The following ARHGAP24 variants were observed in gnomAD, a reference collection of about 807,000 sequenced individuals.
The protein encoded by ARHGAP24 is Rho GTPase activating protein 24, also known as rho GTPase-activating protein 24.
In ARHGAP24, 50 loss-of-function variants were observed where a neutral mutation model predicts 76.4. The ratio of observed to expected loss-of-function variants is 0.65; its 90% confidence interval spans 0.52 to 0.83. The LOEUF is 0.83. Ranked by LOEUF, ARHGAP24 falls within the 40% of genes least tolerant of loss-of-function variation. The pLI is 0.00. For missense variants in ARHGAP24, 930 were observed against 914.2 expected (o/e 1.02, Z -0.22); for synonymous variants, 345 against 323.3 (o/e 1.07, Z -0.72).
chr4:85,744,608 A>G (rs1725954762), intron 3 of ARHGAP24, among the ~76,000 whole-genome samples: 1 of 152,178 alleles, frequency 6.6e-6, no homozygotes. Context: ...TGGGAAGCAG[A>G]TGACTGAGGT....
intron 2 of ARHGAP24, among the ~76,000 whole-genome samples, chr4:85,712,310 A>T (rs1289644459): frequency 1.3e-5 from 2 of 152,112 alleles, no homozygotes; most frequent in Non-Finnish European, 2.9e-5. Flanking sequence ...GATTCTCCCC[A>T]AAAATGATTG....
chr4:85,963,625 C>G (rs1378897562), intron 5 of ARHGAP24, among the ~76,000 whole-genome samples: 1 of 151,966 alleles, frequency 6.6e-6, no homozygotes, highest in Non-Finnish European at 1.5e-5. Flanking sequence ...TAGAAAATGT[C>G]AGAATTTATT....
chr4:85,933,397 T>G (rs1324319299), intron 4 of ARHGAP24, among the ~76,000 whole-genome samples: 1 of 152,190 alleles, frequency 6.6e-6, no homozygotes, highest in East Asian at 1.9e-4. Context: ...TCCAGAGGCC[T>G]GGTTACATTA....
chr4:85,626,822 C>A (rs1720971907), intron 2 of ARHGAP24, among the ~76,000 whole-genome samples: 1 of 152,042 alleles, frequency 6.6e-6, no homozygotes, highest in South Asian at 2.1e-4. Flanking sequence ...TCATTTCATT[C>A]TTTTTGTCTT....
At chr4:85,990,366 C>T (rs1379227783) in intron 8 of ARHGAP24, 1 of 151,588 alleles carries the variant, frequency 6.6e-6, no homozygotes, top group Non-Finnish European at 1.5e-5. Context: ...CTAAAATTGA[C>T]CTATAGTTTT....
intron 2 of ARHGAP24, among the ~76,000 whole-genome samples, chr4:85,623,193 A>C (rs376214301): frequency 0.024 from 3,684 of 152,188 alleles, 146 homozygotes; most frequent in African/African-American, 0.083. Context: ...CTGAATGGTA[A>C]TGCCTAGGTT....
At position 85,491,550 on chromosome 4, in the gene ARHGAP24, C is replaced by G. The variant is rs1266939293; in HGVS notation, c.-21+15991C>G. On this transcript the variant is annotated intron_variant, in intron 1 of 9. Coordinates refer to ENST00000395184, the MANE Select transcript of ARHGAP24 (RefSeq NM_001025616.3). ...GGTCTGTTTAACACACACACACACA[C>G]AGCTGTGTGGAAACCAGGCTGGAGG... is the stretch of plus-strand genomic sequence containing the variant. 2.6e-5 allele frequency among the ~76,000 whole-genome samples: 4 copies of G among 152,130 alleles called. No individual in the cohort carries two copies. The South Asian group carries it at 6.2e-4, about 24-fold the overall frequency.
chr4:85,532,574 A>G (rs1475958236), intron 1 of ARHGAP24, among the ~76,000 whole-genome samples: 2 of 152,134 alleles, frequency 1.3e-5, no homozygotes, highest in Admixed American at 6.6e-5. Context: ...TAATCTCCCC[A>G]TTTAAGATTA....
rs1345759965 is a variant in ARHGAP24 at position 85,565,513 on chromosome 4, TACTC to T, written c.-20-5002_-20-4999del. 8.5e-5 allele frequency among the ~76,000 whole-genome samples: 13 copies of T among 152,266 alleles called. No homozygotes were observed. The South Asian group carries it at 1.2e-3, about 15-fold the overall frequency. On this transcript the variant is annotated intron_variant, in intron 1 of 9. Coordinates refer to ENST00000395184, the MANE Select transcript of ARHGAP24 (RefSeq NM_001025616.3). ...CTGGGAACACATTTATACAGTGAAA[TACTC>T]ACTCACCCCACCAGACGCCAAGGAA... is the stretch of plus-strand genomic sequence containing the variant.
intron 8 of ARHGAP24, among the ~76,000 whole-genome samples, chr4:85,981,079 TATAAAGCACTTCTGC>T (rs2148859854): frequency 6.6e-6 from 1 of 152,316 alleles, no homozygotes; most frequent in African/African-American, 2.4e-5. Context: ...CGGCTGTCTG[TATAAAGCACTTCTGC>T]ATGCTCCCTC....
At chr4:85,941,737 C>T (rs1185549659) in intron 4 of ARHGAP24, among the ~76,000 whole-genome samples, 1 of 152,098 alleles carries the variant, frequency 6.6e-6, no homozygotes, top group Non-Finnish European at 1.5e-5. Flanking sequence ...CCATTCCCTT[C>T]CTAAAAGGAA....
chr4:85,912,917 G>A (rs1198148807), intron 3 of ARHGAP24, among the ~76,000 whole-genome samples: 2 of 151,794 alleles, frequency 1.3e-5, no homozygotes, highest in East Asian at 3.9e-4. Context: ...ACATACTTTG[G>A]GGTGAAAGCG....
intron 1 of ARHGAP24, among the ~76,000 whole-genome samples, chr4:85,532,114 ATGC>A (rs1725282728): frequency 6.6e-6 from 1 of 152,118 alleles, no homozygotes; most frequent in South Asian, 2.1e-4. Flanking sequence ...AAGATAATGG[ATGC>A]TGCTGTTTTC....
chr4:85,895,320 A>C (rs531262261), intron 3 of ARHGAP24, among the ~76,000 whole-genome samples: 19 of 152,232 alleles, frequency 1.2e-4, no homozygotes, highest in Non-Finnish European at 2.4e-4. Flanking sequence ...GAAGTTTTAC[A>C]CTGAAGAGTT....
intron 3 of ARHGAP24, among the ~76,000 whole-genome samples, chr4:85,796,216 A>ACT (rs1223460092): frequency 1.3e-5 from 2 of 151,928 alleles, no homozygotes; most frequent in Non-Finnish European, 2.9e-5. Context: ...ACACACACAC[A>ACT]CACTCACACA....
chr4:85,584,015 A>G (rs1727736129), intron 2 of ARHGAP24, among the ~76,000 whole-genome samples: 2 of 149,152 alleles, frequency 1.3e-5, no homozygotes, highest in South Asian at 4.2e-4. Context: ...TAGTTCAACC[A>G]TTGTGGAAGT....
intron 2 of ARHGAP24, among the ~76,000 whole-genome samples, chr4:85,687,608 T>G (rs1206693009): frequency 6.6e-6 from 1 of 152,234 alleles, no homozygotes; most frequent in Non-Finnish European, 1.5e-5. Context: ...TCTTTCTGGC[T>G]ATGTTGTATT....
At chr4:85,631,303 C>T (rs779005139) in intron 2 of ARHGAP24, among the ~76,000 whole-genome samples, 15 of 152,044 alleles carry the variant, frequency 9.9e-5, no homozygotes, top group African/African-American at 3.4e-4. Context: ...TCTGTTTACT[C>T]TTTAAAAGAG....
chr4:85,651,982 A>G (rs1721964004), intron 2 of ARHGAP24, among the ~76,000 whole-genome samples: 1 of 152,132 alleles, frequency 6.6e-6, no homozygotes, highest in Non-Finnish European at 1.5e-5. Flanking sequence ...CAGAAAATTC[A>G]TTTCTTAGCA....
Sources: gnomAD v4.1 joint callset for allele counts (sites outside exome capture counted in the v4.1 genomes callset) on GRCh38, gnomAD v4.1.1 for gene constraint, MANE v1.5 for transcripts, NCBI Gene and HGNC (gene_info 2026-07-23, HGNC 2026-07-21) for gene names.